NALF1: variants seen among roughly 807,000 people sequenced by gnomAD.
The protein encoded by NALF1 is family with sequence similarity 155 member A.
In NALF1, 3 loss-of-function variants were observed where a neutral mutation model predicts 48.4. That is an observed-to-expected ratio of 0.06 (90% CI 0.03 to 0.16). The LOEUF is 0.16. NALF1 is among the 10% of genes least tolerant of loss of function. The probability of loss-of-function intolerance (pLI) is 1.00; values close to 1 mark genes in which losing one functional copy is unlikely to be tolerated. For missense variants in NALF1, 526 were observed against 571.5 expected, an observed-to-expected ratio of 0.92 and a Z score of 0.81; for synonymous variants, 262 against 245.7, an observed-to-expected ratio of 1.07 and a Z score of -0.62.
chr13:107,761,844 T>A (rs769244661), intron 1 of NALF1, among the ~76,000 whole-genome samples: 3 of 152,186 alleles, frequency 2.0e-5, no homozygotes, highest in Non-Finnish European at 2.9e-5. Flanking sequence ...ATCCCTGTCC[T>A]CCTAACACAT....
intron 1 of NALF1, among the ~76,000 whole-genome samples, chr13:107,741,075 A>T (rs970326904): frequency 6.6e-6 from 1 of 152,222 alleles, no homozygotes; most frequent in Non-Finnish European, 1.5e-5. Flanking sequence ...TGGTATCAGT[A>T]GCGTTTTGTG....
chr13:107,500,911 A>G (rs1265866493), intron 1 of NALF1, among the ~76,000 whole-genome samples: 3 of 149,742 alleles, frequency 2.0e-5, no homozygotes, highest in Non-Finnish European at 4.5e-5. Flanking sequence ...ATGAAAACAC[A>G]TGGACACAGG....
chr13:107,297,369 G>T (rs1324837723), intron 1 of NALF1, among the ~76,000 whole-genome samples: 1 of 152,116 alleles, frequency 6.6e-6, no homozygotes, highest in African/African-American at 2.4e-5. Flanking sequence ...AAATCATTGA[G>T]ATCTTGTACA....
intron 1 of NALF1, among the ~76,000 whole-genome samples, chr13:107,509,289 T>C (rs1027439861): frequency 6.6e-6 from 1 of 152,072 alleles, no homozygotes; most frequent in African/African-American, 2.4e-5. Flanking sequence ...ATTCATCAAA[T>C]AGAATTGATT....
At chr13:107,620,525 T>C (rs1437409350) in intron 1 of NALF1, among the ~76,000 whole-genome samples, 3 of 152,190 alleles carry the variant, frequency 2.0e-5, no homozygotes. Context: ...GTGTTCCCTA[T>C]GCCTGGATTC....
chr13:107,759,872 G>A (rs537803747), intron 1 of NALF1, among the ~76,000 whole-genome samples: 2 of 151,922 alleles, frequency 1.3e-5, no homozygotes, highest in South Asian at 2.1e-4. Context: ...GCTGTGTCAT[G>A]CTGGGAATGA....
At chr13:107,449,300 G>T (rs1298694695) in intron 1 of NALF1, among the ~76,000 whole-genome samples, 2 of 152,100 alleles carry the variant, frequency 1.3e-5, no homozygotes, top group African/African-American at 2.4e-5. Context: ...AGACCCAGGG[G>T]ATGTCTTGGG....
At chr13:107,498,524 A>T (rs1296458348) in intron 1 of NALF1, among the ~76,000 whole-genome samples, 2 of 152,170 alleles carry the variant, frequency 1.3e-5, no homozygotes, top group Non-Finnish European at 2.9e-5. Context: ...TGGGAATATG[A>T]TGATTAATGA....
chr13:107,186,578 G>A (rs563887438), intron 2 of NALF1, among the ~76,000 whole-genome samples: 1 of 152,240 alleles, frequency 6.6e-6, no homozygotes, highest in East Asian at 1.9e-4. Context: ...ATGTTGGCGA[G>A]GATGGTCTCG....
intron 1 of NALF1, among the ~76,000 whole-genome samples, chr13:107,859,786 G>T (rs1173979148): frequency 6.6e-6 from 1 of 151,760 alleles, no homozygotes; most frequent in Admixed American, 6.6e-5. Context: ...TATAATCGCA[G>T]CTACTGTAAT....
At chr13:107,364,190 T>C (rs1484057524) in intron 1 of NALF1, among the ~76,000 whole-genome samples, 1 of 152,244 alleles carries the variant, frequency 6.6e-6, no homozygotes, top group Non-Finnish European at 1.5e-5. Context: ...AACATTTGAA[T>C]AGCATGTCCA....
At chr13:107,268,709 A>G (rs1318420436) in intron 1 of NALF1, among the ~76,000 whole-genome samples, 1 of 152,210 alleles carries the variant, frequency 6.6e-6, no homozygotes, top group Non-Finnish European at 1.5e-5. Context: ...ATTTAAGCTA[A>G]GACCCAGAAT....
At chr13:107,660,478 C>CA (rs1178516506) in intron 1 of NALF1, among the ~76,000 whole-genome samples, 203 of 71,562 alleles carry the variant, frequency 2.8e-3, no homozygotes, top group Non-Finnish European at 4.9e-3. Flanking sequence ...CACACACACA[C>CA]ACACACAACA....
intron 1 of NALF1, among the ~76,000 whole-genome samples, chr13:107,658,519 C>T (rs1168795121): frequency 6.6e-6 from 1 of 152,146 alleles, no homozygotes; most frequent in African/African-American, 2.4e-5. Context: ...TACCTCTAAG[C>T]CAAATGAATT....
At chr13:107,313,915 G>A (rs6492044) in intron 1 of NALF1, among the ~76,000 whole-genome samples, 37,899 of 151,868 alleles carry the variant, frequency 0.25, 5,039 homozygotes, top group Non-Finnish European at 0.28. Context: ...ATAAAACCAG[G>A]CTATGTCCCA....
In NALF1 at chr13:107,166,969, A is replaced by G. The variant is rs144054514; in HGVS notation, c.*3528T>C. On this transcript the variant is annotated 3_prime_UTR_variant, in exon 3 of 3. Transcript: ENST00000375915. ...CACTTACTGCCTTGTGAGAGAGGGGAAAAATACTATCTTTTTAATGCAAGA... is the reference window on the plus strand; with the variant it reads ...CACTTACTGCCTTGTGAGAGAGGGGGAAAATACTATCTTTTTAATGCAAGA... The G allele has an allele frequency of 3.3e-5, 5 of 152,310 alleles. No individual in the cohort carries two copies. In the East Asian group the frequency reaches 7.7e-4, roughly 23 times the overall value. 9.4% of individuals were successfully genotyped at this position (152,310 alleles called of 1,614,324 possible).
chr13:107,261,541 A>C (rs1264592821), intron 1 of NALF1, among the ~76,000 whole-genome samples: 1 of 152,200 alleles, frequency 6.6e-6, no homozygotes, highest in Non-Finnish European at 1.5e-5. Flanking sequence ...TAGGACCAAA[A>C]TGGTACAATC....
intron 1 of NALF1, among the ~76,000 whole-genome samples, chr13:107,857,252 T>A (rs1261049115): frequency 1.3e-5 from 2 of 152,132 alleles, no homozygotes; most frequent in African/African-American, 4.8e-5. Flanking sequence ...CCTCAATCAA[T>A]AAAAATACTA....
rs554162513 is a variant in NALF1, at chr13:107,618,612, G to A, written c.915+247070C>T. Among the ~76,000 whole-genome samples, 21 of 152,290 alleles carry A rather than the reference G, an allele frequency of 1.4e-4. 1 individual carries two copies. In the South Asian group the frequency reaches 3.9e-3, roughly 29 times the overall value. ...CCGGACCGGGATGCTAGCCAGGAGC[G>A]AAGACGATGGGTAGCTGAATTTGAG... On this transcript the variant is annotated intron_variant, in intron 1 of 2. Coordinates refer to ENST00000375915, the MANE Select transcript of NALF1 (RefSeq NM_001080396.3).
Sources: allele counts gnomAD v4.1 joint callset (sites outside exome capture counted in the v4.1 genomes callset), GRCh38; gene constraint gnomAD v4.1.1; transcripts MANE v1.5; gene names NCBI Gene and HGNC (gene_info 2026-07-23, HGNC 2026-07-21).